Variants in CTDSPL observed in about 807,000 individuals in gnomAD.
CTDSPL encodes CTD small phosphatase-like protein.
In CTDSPL, 8 loss-of-function variants were observed where a neutral mutation model predicts 30.5. That is an observed-to-expected ratio of 0.26 (90% CI 0.15 to 0.47). The LOEUF (loss-of-function observed/expected upper bound fraction) is 0.47. Among genes scored for constraint, CTDSPL ranks in the 20% least tolerant of loss-of-function variants. The probability of loss-of-function intolerance (pLI) is 0.99; values close to 1 mark genes in which losing one functional copy is unlikely to be tolerated. For synonymous variants in CTDSPL, 110 were observed against 137.9 expected, an observed-to-expected ratio of 0.80 and a Z score of 1.42; for missense variants, 248 against 366.1, an observed-to-expected ratio of 0.68 and a Z score of 2.63.
intron 1 of CTDSPL, among the ~76,000 whole-genome samples, chr3:37,935,913 A>G (rs1384704974): frequency 6.6e-6 from 1 of 152,230 alleles, no homozygotes; most frequent in Non-Finnish European, 1.5e-5. Flanking sequence ...ATCCCGATGC[A>G]TAGTTGAGAA....
intron 1 of CTDSPL, among the ~76,000 whole-genome samples, chr3:37,897,409 A>C (rs566018642): frequency 2.6e-5 from 4 of 152,274 alleles, no homozygotes; most frequent in Admixed American, 1.3e-4. Flanking sequence ...TCCCAATTTA[A>C]AATGATACTC....
At chr3:37,883,842 G>A (rs534412332) in intron 1 of CTDSPL, among the ~76,000 whole-genome samples, 3 of 152,164 alleles carry the variant, frequency 2.0e-5, no homozygotes, top group Admixed American at 6.5e-5. Flanking sequence ...ATATTTGCCC[G>A]TTTCATCTCT....
chr3:37,900,985 C>T (rs569404309), intron 1 of CTDSPL, among the ~76,000 whole-genome samples: 6 of 152,094 alleles, frequency 3.9e-5, no homozygotes, highest in African/African-American at 9.6e-5. Context: ...ATAGTAGAGA[C>T]GGGGTTTCAC....
intron 1 of CTDSPL, among the ~76,000 whole-genome samples, chr3:37,921,675 T>C (rs1698718238): frequency 6.6e-6 from 1 of 151,570 alleles, no homozygotes; most frequent in Non-Finnish European, 1.5e-5. Flanking sequence ...TATGCAGCTT[T>C]TGTGCTGATA....
intron 1 of CTDSPL, among the ~76,000 whole-genome samples, chr3:37,881,575 C>G (rs1324666020): frequency 1.3e-5 from 2 of 151,970 alleles, no homozygotes; most frequent in African/African-American, 4.8e-5. Context: ...GATACATGTT[C>G]AAATAATGAA....
intron 7 of CTDSPL, among the ~76,000 whole-genome samples, chr3:37,980,170 A>G (rs1367165500): frequency 6.6e-6 from 1 of 152,216 alleles, no homozygotes. Flanking sequence ...CCTAAAACTA[A>G]GGGAAAATCC....
In CTDSPL at chr3:37,945,292, A is replaced by G. The variant is rs919945734; in HGVS notation, c.80-1765A>G. On this transcript the variant is annotated intron_variant, in intron 1 of 7. Coordinates refer to ENST00000273179, the MANE Select transcript of CTDSPL (RefSeq NM_001008392.2). ...TGGCATGTTCCACCTTCTTAATCTA[A>G]CCTAAGTTGTTTCAAGATTGTATTC... Among the ~76,000 whole-genome samples, 9 of 150,346 alleles carry G rather than the reference A, an allele frequency of 6.0e-5. No individual in the cohort carries two copies. The South Asian group carries it at 8.6e-4, about 14-fold the overall frequency.
chr3:37,874,621 T>G (rs1241431435), intron 1 of CTDSPL, among the ~76,000 whole-genome samples: 1 of 152,110 alleles, frequency 6.6e-6, no homozygotes, highest in Non-Finnish European at 1.5e-5. Flanking sequence ...TCCCAGCTGC[T>G]CGGGAGGCTG....
At chr3:37,905,037 T>C (rs976906243) in intron 1 of CTDSPL, among the ~76,000 whole-genome samples, 3 of 152,222 alleles carry the variant, frequency 2.0e-5, no homozygotes, top group Non-Finnish European at 4.4e-5. Flanking sequence ...TCTCCGAGTC[T>C]TGTTACACTT....
At chr3:37,886,004 C>T (rs903218996) in intron 1 of CTDSPL, among the ~76,000 whole-genome samples, 1 of 152,086 alleles carries the variant, frequency 6.6e-6, no homozygotes, top group African/African-American at 2.4e-5. Context: ...CATGTTCCTC[C>T]CCTCCATTTC....
At chr3:37,918,491 G>A (rs1036030511) in intron 1 of CTDSPL, among the ~76,000 whole-genome samples, 2 of 152,092 alleles carry the variant, frequency 1.3e-5, no homozygotes, top group Non-Finnish European at 2.9e-5. Context: ...TATAAATGTG[G>A]TCTGCCTCTA....
At chr3:37,886,428 G>A (rs779533473) in intron 1 of CTDSPL, among the ~76,000 whole-genome samples, 8 of 152,052 alleles carry the variant, frequency 5.3e-5, no homozygotes, top group African/African-American at 1.2e-4. Context: ...GCCAGTTGTC[G>A]AGGTCCCATA....
intron 1 of CTDSPL, among the ~76,000 whole-genome samples, chr3:37,871,451 C>T (rs2125588333): frequency 6.6e-6 from 1 of 152,276 alleles, no homozygotes; most frequent in Admixed American, 6.5e-5. Context: ...TTTAAGTTTT[C>T]AGCTCTTTAG....
At chr3:37,977,714 C>T (rs946610629) in intron 7 of CTDSPL, among the ~76,000 whole-genome samples, 11 of 150,910 alleles carry the variant, frequency 7.3e-5, no homozygotes, top group Non-Finnish European at 1.3e-4. Flanking sequence ...ATGGCAAGAC[C>T]CCATCTCTTA....
intron 1 of CTDSPL, chr3:37,911,633 T>C (rs1698583971): frequency 2.2e-6 from 1 of 454,308 alleles, no homozygotes; most frequent in Non-Finnish European, 4.4e-6. Context: ...TGGAGAAAAA[T>C]GTTTGTCTGG....
intron 1 of CTDSPL, among the ~76,000 whole-genome samples, chr3:37,888,168 A>G (rs1357203736): frequency 6.6e-6 from 1 of 152,212 alleles, no homozygotes; most frequent in Non-Finnish European, 1.5e-5. Context: ...TGACAGCAGG[A>G]AAAACATCTC....
rs529242803 is a variant in CTDSPL, at chr3:37,981,950, T to C, written c.*1083T>C. The C allele has an allele frequency of 2.2e-6, 1 of 454,102 alleles. No homozygotes were observed. Among genetic ancestry groups the C allele is most frequent in the East Asian group, 7.0e-5 (1 of 14,304 alleles). 28.1% of individuals were successfully genotyped at this position (454,102 alleles called of 1,614,324 possible). A position where few individuals can be genotyped will look rare whatever the true frequency, so the allele number is the denominator to read the frequency against. ...CCTATGCTCAGAATATGCTCACTGC[T>C]AAGCTACAAACTCGGACAGGGTCAG... On this transcript the variant is annotated 3_prime_UTR_variant, in exon 8 of 8. Coordinates refer to ENST00000273179, the MANE Select transcript of CTDSPL (RefSeq NM_001008392.2).
rs549253314 is a variant in CTDSPL at position 37,881,996 on chromosome 3, A to T, written c.79+19718A>T. 2.0e-3 allele frequency among the ~76,000 whole-genome samples: 310 copies of T among 152,328 alleles called. 1 individual carries two copies. The highest frequency in any genetic ancestry group is 7.2e-3 in the African/African-American group (300 of 41,574). On this transcript the variant is annotated intron_variant, in intron 1 of 7. Coordinates refer to ENST00000273179, the MANE Select transcript of CTDSPL (RefSeq NM_001008392.2). ...TATAATTGTGATATTTATTCTCTGT[A>T]TGTTTAATATTTCATAATGAAAAAT...
chr3:37,982,037 C>A lies in CTDSPL; in HGVS notation c.*1170C>A. On this transcript the variant is annotated 3_prime_UTR_variant, in exon 8 of 8. Transcript: ENST00000273179. ...CCTGTAACCCCTTCCTGGCATTGGCCACTGAAGGGTACAAAGGCAAAAGGA... is the reference window on the plus strand; with the variant it reads ...CCTGTAACCCCTTCCTGGCATTGGCAACTGAAGGGTACAAAGGCAAAAGGA... 1 of 385,208 alleles carries A rather than the reference C, an allele frequency of 2.6e-6. No homozygotes were observed. Among genetic ancestry groups the A allele is most frequent in the Non-Finnish European group, 5.2e-6 (1 of 192,368 alleles). 23.9% of individuals were successfully genotyped at this position (385,208 alleles called of 1,614,324 possible).
Sources: gnomAD v4.1 joint callset for allele counts (sites outside exome capture counted in the v4.1 genomes callset) on GRCh38, gnomAD v4.1.1 for gene constraint, MANE v1.5 for transcripts, NCBI Gene and HGNC (gene_info 2026-07-23, HGNC 2026-07-21) for gene names.